The following WNK1 variants were observed in gnomAD, a reference collection of about 807,000 sequenced individuals.
WNK1 encodes WNK lysine deficient protein kinase 1.
Under a neutral mutation model 222.8 loss-of-function variants are expected in WNK1, and 38 were observed. That is an observed-to-expected ratio of 0.17 (90% CI 0.13 to 0.22). The LOEUF (loss-of-function observed/expected upper bound fraction) is 0.22, where lower values mean the gene tolerates loss of function less well. Among genes scored for constraint, WNK1 ranks in the 10% least tolerant of loss-of-function variants. The pLI, the probability that WNK1 is intolerant of heterozygous loss-of-function variation, is 1.00. For synonymous variants in WNK1, 1,090 were observed against 1,092.9 expected (o/e 1.00, Z 0.05); for missense variants, 2,348 against 2,918.4 (o/e 0.80, Z 4.50).
At position 880,803 on chromosome 12, in the gene WNK1, A is replaced by G. The variant is rs1032036522; in HGVS notation, c.2915A>G (p.His972Arg). 1.2e-6 allele frequency: 2 copies of G among 1,613,956 alleles called. No individual in the cohort carries two copies. Among genetic ancestry groups the G allele is most frequent in the Non-Finnish European group, 1.7e-6 (2 of 1,179,992 alleles). ...TCCAACGTGGCTTCTGTTTGCATCC[A>G]TTCTACAGTCCTATCCCCTCCCATG... ...PSSNVASVCI[H>R]STVLSPPMPT... The change falls in exon 12 of 28, where the codon CAT (histidine) becomes CGT (arginine). Residue 972 changes from histidine (H) to arginine (R), a missense_variant. His to Arg is a conservative substitution (Grantham distance 29). Around this residue, in one of 13 missense-constraint regions of WNK1, gnomAD observed 547 missense variants for 558.3 expected, o/e 0.98. Coordinates refer to ENST00000315939, the MANE Select transcript of WNK1 (RefSeq NM_018979.4).
At chr12:836,031 T>C (rs1480942662) in intron 4 of WNK1, among the ~76,000 whole-genome samples, 1 of 152,166 alleles carries the variant, frequency 6.6e-6, no homozygotes, top group Non-Finnish European at 1.5e-5. Context: ...GGTGAGAAGC[T>C]GAACTAGGTT....
At chr12:846,177 T>C (rs1205460344) in intron 4 of WNK1, among the ~76,000 whole-genome samples, 1 of 152,140 alleles carries the variant, frequency 6.6e-6, no homozygotes, top group East Asian at 1.9e-4. Context: ...GTAACAAAAG[T>C]CTGGTACTGC....
intron 1 of WNK1, among the ~76,000 whole-genome samples, chr12:786,932 T>C (rs1196543405): frequency 6.6e-6 from 1 of 152,136 alleles, no homozygotes; most frequent in Non-Finnish European, 1.5e-5. Context: ...CTTCCTGCCT[T>C]CTATGTGTTT....
intron 1 of WNK1, among the ~76,000 whole-genome samples, chr12:772,319 A>G (rs1054778144): frequency 2.6e-5 from 4 of 152,220 alleles, no homozygotes; most frequent in African/African-American, 4.8e-5. Context: ...GTTTTACCAC[A>G]TAGCAAAAGC....
At chr12:846,752 G>T (rs1950056083) in intron 4 of WNK1, among the ~76,000 whole-genome samples, 1 of 152,154 alleles carries the variant, frequency 6.6e-6, no homozygotes, top group Non-Finnish European at 1.5e-5. Context: ...CAGAACTAAA[G>T]CCATTAGGGT....
At chr12:807,012 A>G (rs1057328578) in intron 1 of WNK1, among the ~76,000 whole-genome samples, 83 of 152,214 alleles carry the variant, frequency 5.5e-4, no homozygotes, top group African/African-American at 1.8e-3. Context: ...AGATCTCCCT[A>G]TAAATTTGAA....
chr12:798,507 CAA>C (rs1468383412), intron 1 of WNK1, among the ~76,000 whole-genome samples: 3 of 152,070 alleles, frequency 2.0e-5, no homozygotes, highest in Admixed American at 1.3e-4. Context: ...ATTGCATTTT[CAA>C]AGTTTTCATT....
At chr12:848,220 G>A (rs1591994045) in intron 4 of WNK1, among the ~76,000 whole-genome samples, 2 of 152,184 alleles carry the variant, frequency 1.3e-5, no homozygotes, top group Admixed American at 1.3e-4. Flanking sequence ...TTTAGTAGGT[G>A]TGGAGAACTA....
intron 4 of WNK1, among the ~76,000 whole-genome samples, chr12:844,194 C>T (rs1278277769): frequency 6.6e-6 from 1 of 151,382 alleles, no homozygotes; most frequent in African/African-American, 2.4e-5. Context: ...TGCAGTGGTG[C>T]GATCTTGGCT....
At chr12:882,364 A>G (rs1293162465) in intron 14 of WNK1, among the ~76,000 whole-genome samples, 1 of 151,958 alleles carries the variant, frequency 6.6e-6, no homozygotes, top group Non-Finnish European at 1.5e-5. Flanking sequence ...ACGCACGGCT[A>G]GTTTTTGTAT....
In WNK1 at chr12:886,019, A is replaced by G; in HGVS notation, c.5215A>G (p.Ser1739Gly). 6.3e-7 allele frequency: 1 copy of G among 1,596,132 alleles called. No homozygotes were observed. ...ACCTGGGCAAGTTTCTACCCCAGTC[A>G]GCACTACTACATCAGGAGTGAAACC... is the stretch of plus-strand genomic sequence containing the variant. Reference protein sequence around the residue: ...VTPGQVSTPVSTTTSGVKPGT... With the variant: ...VTPGQVSTPVGTTTSGVKPGT... Residue 1739 changes from serine to glycine, a missense_variant, in exon 19 of 28, where the codon AGC becomes GGC. Transcript: ENST00000315939.
At position 879,635 on chromosome 12, in the gene WNK1, A is replaced by C. The variant is rs1592147527; in HGVS notation, c.2436A>C (p.Gln812His). Residue 812 changes from glutamine (Q) to histidine (H), a missense_variant, in exon 11 of 28, where the codon CAA (glutamine) becomes CAC (histidine). Coordinates refer to ENST00000315939, the MANE Select transcript of WNK1 (RefSeq NM_018979.4). ...QGEPQIPVAT[Q>H]PSVVPVHSGA... ...AACCTCAGATCCCAGTTGCGACACA[A>C]CCCTCGGTTGTTCCAGTCCACTCTG... 6.2e-7 allele frequency: 1 copy of C among 1,610,400 alleles called. No homozygotes were observed. The highest frequency in any genetic ancestry group is 1.1e-5 in the South Asian group (1 of 90,912).
Position 885,658 on chromosome 12 carries a change from T to G in WNK1, c.4854T>G (p.Ile1618Met). 1.2e-6 allele frequency: 2 copies of G among 1,614,202 alleles called. No individual in the cohort carries two copies. Among genetic ancestry groups the G allele is most frequent in the Non-Finnish European group, 1.7e-6 (2 of 1,180,032 alleles). Reference protein sequence around the residue: ...ANVPAVQQTLIHSQPQPALLP... With the variant: ...ANVPAVQQTLMHSQPQPALLP... ...TGCCTGCTGTACAGCAGACACTAATTCATAGTCAGCCTCAACCAGCTTTGC... is the reference window on the plus strand; with the variant it reads ...TGCCTGCTGTACAGCAGACACTAATGCATAGTCAGCCTCAACCAGCTTTGC... Residue 1618 changes from isoleucine to methionine, a missense_variant, in exon 19 of 28, where the codon ATT (isoleucine) becomes ATG (methionine). Ile to Met is a conservative substitution (Grantham distance 10, BLOSUM62 1). This residue lies in a region of WNK1 where 1,144 missense variants were observed against 1,273.6 expected (regional missense o/e 0.90). Coordinates refer to ENST00000315939, the MANE Select transcript of WNK1 (RefSeq NM_018979.4).
In WNK1 at chr12:904,596, A is replaced by G. The variant is rs72650789; in HGVS notation, c.6644-3251A>G. The stretch of plus-strand genomic sequence containing the variant: ...CATAGCTCCCTGATTCCTAACTTCC[A>G]TCTATCTCTGTATCCTATTCTAATA... On this transcript the variant is annotated intron_variant, in intron 26 of 27. Transcript: ENST00000315939. 2.2e-5 allele frequency: 16 copies of G among 734,866 alleles called. No individual in the cohort carries two copies. In the African/African-American group the frequency reaches 2.4e-4, roughly 11 times the overall value. 45.5% of individuals were successfully genotyped at this position (734,866 alleles called of 1,614,324 possible). A position where few individuals can be genotyped will look rare whatever the true frequency, so the allele number is the denominator to read the frequency against.
chr12:880,235 A>G (rs1001737488), intron 11 of WNK1, among the ~76,000 whole-genome samples: 1 of 152,238 alleles, frequency 6.6e-6, no homozygotes, highest in Non-Finnish European at 1.5e-5. Flanking sequence ...TTCTTCAGAG[A>G]AAAATGGTTC....
chr12:816,928 A>G (rs1947394096), intron 2 of WNK1, among the ~76,000 whole-genome samples: 1 of 152,242 alleles, frequency 6.6e-6, no homozygotes, highest in Admixed American at 6.5e-5. Flanking sequence ...TTGTAAGTGT[A>G]TATGAAGTGT....
chr12:840,857 T>C (rs1949575380), intron 4 of WNK1, among the ~76,000 whole-genome samples: 1 of 152,224 alleles, frequency 6.6e-6, no homozygotes, highest in African/African-American at 2.4e-5. Flanking sequence ...ACTTAACAGG[T>C]CAGAAAATGT....
rs766862807 is a variant in WNK1, at chr12:882,033, G to A, written c.3332G>A (p.Arg1111Gln). 33 of 1,613,854 alleles carry A rather than the reference G, an allele frequency of 2.0e-5. No individual in the cohort carries two copies. The highest frequency in any genetic ancestry group is 2.6e-5 in the Non-Finnish European group (31 of 1,179,930). ...HYRKSVRSRS[R>Q]HEKTSRPKLR... Reference sequence around the variant, plus strand: ...CGAAAATCTGTAAGGAGTCGCTCTCGACATGAAAAAACTTCACGCCCAAAA... The same window carrying A: ...CGAAAATCTGTAAGGAGTCGCTCTCAACATGAAAAAACTTCACGCCCAAAA... The change falls in exon 14 of 28, where the codon CGA becomes CAA. Residue 1111 changes from arginine (R) to glutamine (Q), a missense_variant. Physicochemically the swap from Arg to Gln is conservative, Grantham distance 43. Around this residue, in one of 13 missense-constraint regions of WNK1, gnomAD observed 547 missense variants for 558.3 expected, o/e 0.98. Coordinates refer to ENST00000315939, the MANE Select transcript of WNK1 (RefSeq NM_018979.4).
intron 9 of WNK1, among the ~76,000 whole-genome samples, chr12:874,651 A>C (rs1393610288): frequency 6.6e-6 from 1 of 152,172 alleles, no homozygotes; most frequent in Non-Finnish European, 1.5e-5. Context: ...AAAAACAAAT[A>C]AGGATAATAG....
Sources: allele counts gnomAD v4.1 joint callset (sites outside exome capture counted in the v4.1 genomes callset), GRCh38; gene constraint gnomAD v4.1.1; regional missense constraint gnomAD v4.1.1; transcripts MANE v1.5; gene names NCBI Gene and HGNC (gene_info 2026-07-23, HGNC 2026-07-21).